SAMMSON: variants seen among roughly 807,000 people sequenced by gnomAD.
The protein encoded by SAMMSON is survival associated mitochondrial melanoma specific oncogenic non-coding RNA, also known as long intergenic non-protein coding RNA 1212.
At chr3:70,125,697 C>T (rs77292151) in intron 4 of SAMMSON, 10 of 694,846 alleles carry the variant, frequency 1.4e-5, no homozygotes, top group Admixed American at 4.1e-5. Context: ...CAAATACATC[C>T]GAAGGTAACA....
intron 9 of SAMMSON, among the ~76,000 whole-genome samples, chr3:70,368,717 G>T (rs1268992411): frequency 2.6e-5 from 4 of 151,502 alleles, no homozygotes; most frequent in Non-Finnish European, 4.4e-5. Flanking sequence ...GTTATGTTCT[G>T]TTGATTTATG....
At chr3:70,388,074 A>T (rs1700999222) in intron 9 of SAMMSON, among the ~76,000 whole-genome samples, 1 of 152,172 alleles carries the variant, frequency 6.6e-6, no homozygotes, top group Admixed American at 6.6e-5. Flanking sequence ...GTCAACAAAC[A>T]GGAAATATCG....
At chr3:70,237,979 CTTTTTTTTTTTTTTT>C (rs71672662) in intron 4 of SAMMSON, among the ~76,000 whole-genome samples, 1 of 48,932 alleles carries the variant, frequency 2.0e-5, no homozygotes. Context: ...TGAGTGGTAT[CTTTTTTTTTTTTTTT>C]TTTTTTTTTT....
chr3:70,226,014 T>C (rs1701503228), intron 4 of SAMMSON, among the ~76,000 whole-genome samples: 1 of 152,194 alleles, frequency 6.6e-6, no homozygotes, highest in Admixed American at 6.5e-5. Context: ...TTCCTCTCTA[T>C]ATTGAAGAAT....
intron 4 of SAMMSON, among the ~76,000 whole-genome samples, chr3:70,236,679 T>A (rs1367744300): frequency 6.6e-6 from 1 of 152,114 alleles, no homozygotes; most frequent in South Asian, 2.1e-4. Context: ...CGCTGCAGTC[T>A]CAACCTCCCA....
intron 7 of SAMMSON, among the ~76,000 whole-genome samples, chr3:70,310,308 A>G (rs1460723208): frequency 1.3e-5 from 2 of 151,928 alleles, no homozygotes; most frequent in Non-Finnish European, 2.9e-5. Flanking sequence ...AATTGGGCAG[A>G]AATAATCATC....
intron 7 of SAMMSON, among the ~76,000 whole-genome samples, chr3:70,334,476 G>C (rs1575627835): frequency 6.6e-6 from 1 of 151,922 alleles, no homozygotes; most frequent in East Asian, 1.9e-4. Context: ...TGTTTCACTA[G>C]TAGGGATTTA....
chr3:70,313,911 A>C (rs1024604837), intron 7 of SAMMSON, among the ~76,000 whole-genome samples: 1 of 152,106 alleles, frequency 6.6e-6, no homozygotes, highest in Admixed American at 6.6e-5. Context: ...GGGGCCCACA[A>C]AGTTTTAAGA....
chr3:70,025,253 T>C (rs192014642), intron 3 of SAMMSON: 1 of 152,344 alleles, frequency 6.6e-6, no homozygotes, highest in African/African-American at 2.4e-5. Context: ...TTTATTTATT[T>C]ATTTTTTTGA....
chr3:70,019,490 T>C (rs2067001371), intron 3 of SAMMSON, among the ~76,000 whole-genome samples: 1 of 152,352 alleles, frequency 6.6e-6, no homozygotes, highest in South Asian at 2.1e-4. Context: ...GCACTTGAGA[T>C]GGGTCTCCTG....
At chr3:70,334,599 A>T (rs558938687) in intron 7 of SAMMSON, among the ~76,000 whole-genome samples, 1 of 152,126 alleles carries the variant, frequency 6.6e-6, no homozygotes, top group African/African-American at 2.4e-5. Context: ...GCTTCCCTTT[A>T]TTGAATGCTT....
chr3:70,081,008 T>C (rs2067265947), intron 4 of SAMMSON, among the ~76,000 whole-genome samples: 1 of 152,222 alleles, frequency 6.6e-6, no homozygotes, highest in Admixed American at 6.5e-5. Context: ...TTCTAATTGC[T>C]ATATTGATAG....
chr3:70,355,687 T>C (rs1702824395), intron 8 of SAMMSON, among the ~76,000 whole-genome samples: 1 of 152,062 alleles, frequency 6.6e-6, no homozygotes, highest in South Asian at 2.1e-4. Flanking sequence ...GGCAAGAAAT[T>C]ATTAAATAAG....
chr3:70,407,364 A>G (rs572080510), intron 2 of SAMMSON, among the ~76,000 whole-genome samples: 5 of 152,320 alleles, frequency 3.3e-5, no homozygotes, highest in African/African-American at 1.2e-4. Context: ...CCAAAGTCTC[A>G]TCTGAGACAA....
rs200387919 is a variant in SAMMSON, at chr3:70,324,153, CTCTATCTA to C, written n.740-29983_740-29976del. 6.0e-3 allele frequency among the ~76,000 whole-genome samples: 891 copies of C among 148,638 alleles called. 7 individuals are homozygous for C. Among genetic ancestry groups the C allele is most frequent in the East Asian group, 0.013 (64 of 4,944 alleles). On this transcript the variant is annotated intron_variant and non_coding_transcript_variant, in intron 7 of 9. Transcript: ENST00000642114. ...CCCTGTAACAGACCCCTTTACATCTCTCTATCTATCTATCTATCTATCTATCTATCTAT... is the reference window on the plus strand; with the variant it reads ...CCCTGTAACAGACCCCTTTACATCTCTCTATCTATCTATCTATCTATCTAT...
At chr3:70,414,465 G>A (rs984094874) in intron 2 of SAMMSON, among the ~76,000 whole-genome samples, 1 of 152,076 alleles carries the variant, frequency 6.6e-6, no homozygotes, top group Non-Finnish European at 1.5e-5. Context: ...CCCCTGCAAA[G>A]GTGGCTATAC....
intron 7 of SAMMSON, among the ~76,000 whole-genome samples, chr3:70,300,359 T>C (rs978490947): frequency 4.6e-5 from 7 of 152,242 alleles, no homozygotes; most frequent in Admixed American, 2.0e-4. Context: ...ACGTTTATTA[T>C]AGGCACATCG....
chr3:70,341,631 A>C (rs1702710988), intron 7 of SAMMSON, among the ~76,000 whole-genome samples: 1 of 152,100 alleles, frequency 6.6e-6, no homozygotes, highest in African/African-American at 2.4e-5. Flanking sequence ...AGAGGCAAAG[A>C]CTTTTTCCAC....
intron 4 of SAMMSON, among the ~76,000 whole-genome samples, chr3:70,181,923 G>C (rs762493708): frequency 3.2e-4 from 48 of 152,126 alleles, no homozygotes; most frequent in Non-Finnish European, 6.0e-4. Context: ...GCAGGGGTGA[G>C]TCAACTGGAA....
Sources: allele counts gnomAD v4.1 joint callset (sites outside exome capture counted in the v4.1 genomes callset), GRCh38; gene constraint gnomAD v4.1.1; transcripts MANE v1.5; gene names NCBI Gene and HGNC (gene_info 2026-07-23, HGNC 2026-07-21).